The following DISC1 variants were observed in gnomAD, a reference collection of about 807,000 sequenced individuals.
DISC1 encodes disrupted in schizophrenia 1 protein.
Under a neutral mutation model 84.5 loss-of-function variants are expected in DISC1, and 57 were observed. That is an observed-to-expected ratio of 0.67 (90% CI 0.55 to 0.84). The LOEUF is 0.84. Among genes scored for constraint, DISC1 ranks in the 40% least tolerant of loss-of-function variants. The pLI, the probability that DISC1 is intolerant of heterozygous loss-of-function variation, is 0.00. For missense variants in DISC1, 1,000 were observed against 1,057.8 expected, an observed-to-expected ratio of 0.95 and a Z score of 0.76; for synonymous variants, 411 against 415.2, an observed-to-expected ratio of 0.99 and a Z score of 0.12.
At chr1:231,831,737 T>C (rs2125821149) in intron 9 of DISC1, among the ~76,000 whole-genome samples, 1 of 152,204 alleles carries the variant, frequency 6.6e-6, no homozygotes, top group South Asian at 2.1e-4. Flanking sequence ...GACCACATGG[T>C]GGTGTATGAT....
chr1:231,883,181 A>G (rs778656046), intron 9 of DISC1, among the ~76,000 whole-genome samples: 7 of 152,182 alleles, frequency 4.6e-5, no homozygotes, highest in Non-Finnish European at 1.0e-4. Flanking sequence ...CAAGAGAAAA[A>G]TGATACTTAA....
At chr1:231,679,976 C>T (rs1159082586) in intron 1 of DISC1, among the ~76,000 whole-genome samples, 1 of 152,230 alleles carries the variant, frequency 6.6e-6, no homozygotes, top group East Asian at 1.9e-4. Context: ...GCCTGTAATC[C>T]CAGCACTTTG....
chr1:231,912,220 G>A (rs1284330207), intron 9 of DISC1, among the ~76,000 whole-genome samples: 1 of 152,122 alleles, frequency 6.6e-6, no homozygotes, highest in African/African-American at 2.4e-5. Context: ...TCCATTGCTG[G>A]CAAGGAGCTG....
rs1228677432 is a variant in DISC1, at chr1:232,038,095, A to G, written c.*1264A>G. 1 of 152,184 alleles carries G rather than the reference A, an allele frequency of 6.6e-6. No individual in the cohort carries two copies. The highest frequency in any genetic ancestry group is 1.5e-5 in the Non-Finnish European group (1 of 68,122). The allele number at this position is 152,184 out of a possible 1,614,324, so 9.4% of individuals were successfully genotyped here. On this transcript the variant is annotated 3_prime_UTR_variant, in exon 13 of 13. Transcript: ENST00000439617. ...TCAGTAACACAGTGCAGTGCTCAAT[A>G]AGGCAGTGCAGTGCTCAGTAAGGCA...
At chr1:231,703,742 A>G (rs1415862141) in intron 3 of DISC1, among the ~76,000 whole-genome samples, 2 of 152,202 alleles carry the variant, frequency 1.3e-5, no homozygotes, top group Non-Finnish European at 2.9e-5. Context: ...TCATCAGGGA[A>G]GCTCAAAGAA....
At chr1:231,879,561 T>TG (rs1444263593) in intron 9 of DISC1, among the ~76,000 whole-genome samples, 8 of 150,870 alleles carry the variant, frequency 5.3e-5, no homozygotes, top group Admixed American at 4.0e-4. Context: ...GTGGGGGCTG[T>TG]GATGGTAGGT....
At chr1:231,748,716 A>G (rs2074280299) in intron 3 of DISC1, among the ~76,000 whole-genome samples, 1 of 152,098 alleles carries the variant, frequency 6.6e-6, no homozygotes, top group South Asian at 2.1e-4. Context: ...TCCTTGTCTC[A>G]TTTTGGTGTC....
At chr1:231,737,067 A>G (rs1310349455) in intron 3 of DISC1, among the ~76,000 whole-genome samples, 1 of 152,244 alleles carries the variant, frequency 6.6e-6, no homozygotes, top group Non-Finnish European at 1.5e-5. Context: ...CTAAAGAATA[A>G]CAGATGAGCA....
At chr1:231,833,522 G>A (rs1306684032) in intron 9 of DISC1, among the ~76,000 whole-genome samples, 1 of 151,756 alleles carries the variant, frequency 6.6e-6, no homozygotes, top group East Asian at 1.9e-4. Context: ...GAGAGCCTTG[G>A]GCCAGAGTTC....
chr1:231,754,761 G>C (rs1317651691), intron 4 of DISC1, among the ~76,000 whole-genome samples: 1 of 152,172 alleles, frequency 6.6e-6, no homozygotes, highest in African/African-American at 2.4e-5. Context: ...ACATTTGACT[G>C]TTTGAAACCT....
intron 9 of DISC1, among the ~76,000 whole-genome samples, chr1:231,921,826 T>C (rs1247709700): frequency 1.3e-5 from 2 of 151,380 alleles, no homozygotes; most frequent in African/African-American, 2.4e-5. Context: ...TTTTTTTTTT[T>C]TGGAGTGTGA....
At chr1:231,720,595 C>T (rs2069532719) in intron 3 of DISC1, among the ~76,000 whole-genome samples, 1 of 152,202 alleles carries the variant, frequency 6.6e-6, no homozygotes, top group African/African-American at 2.4e-5. Context: ...CCACTTCGGC[C>T]TCTCAAAGTG....
At chr1:231,647,328 C>T (rs1468165133) in intron 1 of DISC1, among the ~76,000 whole-genome samples, 3 of 152,188 alleles carry the variant, frequency 2.0e-5, no homozygotes, top group Non-Finnish European at 2.9e-5. Context: ...GGAATCCTTT[C>T]CCCATTTCTT....
At position 231,958,868 on chromosome 1, in the gene DISC1, A is replaced by G. The variant is rs1659993677; in HGVS notation, c.2022A>G (p.Thr674=). 1 of 1,613,664 alleles carries G rather than the reference A, an allele frequency of 6.2e-7. No homozygotes were observed. Among genetic ancestry groups the G allele is most frequent in the African/African-American group, 1.3e-5 (1 of 74,922 alleles). Reference sequence around the variant, plus strand: ...AAAATACTATGAAGTACATGGAAACACTTAAGAATAAACTGTGCAGGTAAG... The same window carrying G: ...AAAATACTATGAAGTACATGGAAACGCTTAAGAATAAACTGTGCAGGTAAG... ...VKENTMKYME[T]LKNKLCSCKC... The change falls in exon 10 of 13, where the codon ACA becomes ACG. Residue 674 remains threonine (T), a synonymous_variant. Coordinates refer to ENST00000439617, the MANE Select transcript of DISC1 (RefSeq NM_018662.3).
intron 6 of DISC1, among the ~76,000 whole-genome samples, chr1:231,793,904 C>T (rs1309777476): frequency 6.6e-6 from 1 of 152,060 alleles, no homozygotes; most frequent in Non-Finnish European, 1.5e-5. Flanking sequence ...GAATTTACCC[C>T]ATATTTACTT....
At chr1:231,999,274 C>T (rs821660) in intron 10 of DISC1, among the ~76,000 whole-genome samples, 40,500 of 152,048 alleles carry the variant, frequency 0.27, 5,644 homozygotes, top group Non-Finnish European at 0.29. Context: ...TCTGAAAGAC[C>T]GTGAGAGGAC....
At chr1:231,884,214 A>G (rs2086501135) in intron 9 of DISC1, among the ~76,000 whole-genome samples, 1 of 152,082 alleles carries the variant, frequency 6.6e-6, no homozygotes, top group East Asian at 1.9e-4. Flanking sequence ...TTTTTTGGAC[A>G]ATTTTGCATC....
intron 11 of DISC1, among the ~76,000 whole-genome samples, chr1:232,018,358 A>G (rs369880899): frequency 6.6e-5 from 10 of 152,198 alleles, no homozygotes; most frequent in African/African-American, 2.2e-4. Flanking sequence ...GTTTATGGGA[A>G]CTATAACTGA....
chr1:231,836,750 C>T (rs2082657006), intron 9 of DISC1, among the ~76,000 whole-genome samples: 1 of 152,186 alleles, frequency 6.6e-6, no homozygotes, highest in South Asian at 2.1e-4. Flanking sequence ...CTAATCAGGA[C>T]AGCTCCTCTG....
Sources: allele counts gnomAD v4.1 joint callset (sites outside exome capture counted in the v4.1 genomes callset), GRCh38; gene constraint gnomAD v4.1.1; transcripts MANE v1.5; gene names NCBI Gene and HGNC (gene_info 2026-07-23, HGNC 2026-07-21).